PEX14: variants seen among roughly 807,000 people sequenced by gnomAD.
The protein encoded by PEX14 is peroxisomal membrane protein PEX14.
Under a neutral mutation model 49.5 loss-of-function variants are expected in PEX14, and 15 were observed. That is an observed-to-expected ratio of 0.30 (90% CI 0.20 to 0.47). The LOEUF (loss-of-function observed/expected upper bound fraction) is 0.47. Among genes scored for constraint, PEX14 ranks in the 20% least tolerant of loss-of-function variants. The pLI, the probability that PEX14 is intolerant of heterozygous loss-of-function variation, is 1.00. For synonymous variants in PEX14, 210 were observed against 212.7 expected (o/e 0.99, Z 0.11); for missense variants, 398 against 494.8 (o/e 0.80, Z 1.86).
At chr1:10,531,932 G>C (rs1638661527) in intron 2 of PEX14, among the ~76,000 whole-genome samples, 1 of 152,180 alleles carries the variant, frequency 6.6e-6, no homozygotes. Flanking sequence ...TTTTGTAGGA[G>C]AGTGGAAAAC....
intron 3 of PEX14, among the ~76,000 whole-genome samples, chr1:10,587,639 G>A (rs1160924933): frequency 1.3e-5 from 2 of 152,062 alleles, no homozygotes; most frequent in South Asian, 4.1e-4. Context: ...GTTTACACAT[G>A]TACAAGTGGT....
chr1:10,539,482 A>C lies in PEX14; in HGVS notation c.169+3185A>C, dbSNP rs1638938562. Among the ~76,000 whole-genome samples the C allele has an allele frequency of 6.6e-6, 1 of 152,194 alleles. No homozygotes were observed. The highest frequency in any genetic ancestry group is 1.5e-5 in the Non-Finnish European group (1 of 68,036). ...GCTCACCTTCAGAGTATTAGAATAA[A>C]TGTTTTTGTTTTCCTTCCAACCACT... On this transcript the variant is annotated intron_variant, in intron 3 of 8. Coordinates refer to ENST00000356607, the MANE Select transcript of PEX14 (RefSeq NM_004565.3). This position sits in a 1 kb window ranked among gnomAD's most constrained non-coding sequence, Gnocchi z 4.6.
At chr1:10,552,620 G>A (rs1454334770) in intron 3 of PEX14, among the ~76,000 whole-genome samples, 2 of 152,124 alleles carry the variant, frequency 1.3e-5, no homozygotes, top group Non-Finnish European at 2.9e-5. Context: ...TTTCCTTCAT[G>A]TGCCAACATT....
chr1:10,577,877 T>C (rs1640197602), intron 3 of PEX14, among the ~76,000 whole-genome samples: 1 of 151,502 alleles, frequency 6.6e-6, no homozygotes, highest in East Asian at 2.0e-4. Flanking sequence ...ATTTTAAAAA[T>C]ATAGTTTGAA....
rs370625447 is a variant in PEX14 at position 10,558,032 on chromosome 1, T to C, written c.169+21735T>C. ...TCTGCTAAATTCTTAAATATACTGA[T>C]GTGTGATCAGGGACATTCTATTCTC... On this transcript the variant is annotated intron_variant, in intron 3 of 8. Coordinates refer to ENST00000356607, the MANE Select transcript of PEX14 (RefSeq NM_004565.3). Among the ~76,000 whole-genome samples the C allele has an allele frequency of 1.0e-3, 153 of 152,344 alleles. 2 individuals are homozygous for C. The South Asian group carries it at 0.021, about 21-fold the overall frequency.
Position 10,613,567 on chromosome 1 carries a change from C to T in PEX14, c.299-4765C>T, listed in dbSNP as rs903557012. On this transcript the variant is annotated intron_variant, in intron 4 of 8. Coordinates refer to ENST00000356607, the MANE Select transcript of PEX14 (RefSeq NM_004565.3). The surrounding 1 kb of genome is among the most constrained non-coding windows in gnomAD (Gnocchi z 5.0). ...GATGAGGATTGCCACCACAGATGCC[C>T]GTCTCTTCAGCCTTCACAGAGATGC... Among the ~76,000 whole-genome samples the T allele has an allele frequency of 5.3e-5, 8 of 152,188 alleles. No homozygotes were observed. The highest frequency in any genetic ancestry group is 1.4e-4 in the African/African-American group (6 of 41,456).
At chr1:10,538,793 T>C (rs1352709425) in intron 3 of PEX14, among the ~76,000 whole-genome samples, 2 of 152,032 alleles carry the variant, frequency 1.3e-5, no homozygotes, top group Non-Finnish European at 1.5e-5. Context: ...GGGGCCTGGG[T>C]TCTGGCACCC....
At chr1:10,536,133 G>A (rs1638795273) in intron 2 of PEX14, 80 bp from the exon 3 acceptor site, 3 of 915,744 alleles carry the variant, frequency 3.3e-6, no homozygotes, top group East Asian at 4.8e-5. Flanking sequence ...GTGGAGCTGG[G>A]AAAAACTCCT....
At chr1:10,480,855 CTCTCTATA>C (rs955337694) in intron 1 of PEX14, among the ~76,000 whole-genome samples, 1 of 139,660 alleles carries the variant, frequency 7.2e-6, no homozygotes, top group African/African-American at 3.3e-5. Context: ...CTCTCTCTCT[CTCTCTATA>C]TATATATTTT....
At chr1:10,603,232 G>T (rs945488508) in intron 4 of PEX14, among the ~76,000 whole-genome samples, 2 of 152,094 alleles carry the variant, frequency 1.3e-5, no homozygotes, top group African/African-American at 4.8e-5. Flanking sequence ...TCTACTATAC[G>T]GTCAGTACTA....
At chr1:10,564,237 A>C (rs528304724) in intron 3 of PEX14, among the ~76,000 whole-genome samples, 1 of 151,844 alleles carries the variant, frequency 6.6e-6, no homozygotes. Flanking sequence ...TCCAGTTGTA[A>C]TTGTGTTAGA....
intron 3 of PEX14, among the ~76,000 whole-genome samples, chr1:10,552,334 C>T (rs983823698): frequency 1.7e-4 from 26 of 152,066 alleles, no homozygotes; most frequent in Non-Finnish European, 3.5e-4. Context: ...CCCAGTTACT[C>T]AGGAGGCTGA....
Position 10,628,536 on chromosome 1 carries a change from C to T in PEX14, c.678-995C>T, listed in dbSNP as rs528510002. On this transcript the variant is annotated intron_variant, in intron 8 of 8. Transcript: ENST00000356607. The surrounding 1 kb of genome is among the most constrained non-coding windows in gnomAD (Gnocchi z 4.5). ...GAACATGTCCTGGAAAGAGATGTGG[C>T]GCTGGCAGAGGCCAGAGCATTGTCA... Among the ~76,000 whole-genome samples the T allele has an allele frequency of 1.2e-4, 19 of 152,386 alleles. No homozygotes were observed. The South Asian group carries it at 3.7e-3, about 30-fold the overall frequency.
intron 3 of PEX14, among the ~76,000 whole-genome samples, chr1:10,590,814 A>T (rs1377271485): frequency 6.6e-6 from 1 of 152,258 alleles, no homozygotes; most frequent in Non-Finnish European, 1.5e-5. Flanking sequence ...TAATGTGAGG[A>T]CTTGCAAGAA....
chr1:10,622,385 G>C (rs772343835), intron 5 of PEX14, among the ~76,000 whole-genome samples: 6 of 152,212 alleles, frequency 3.9e-5, no homozygotes, highest in East Asian at 1.9e-4. Context: ...GAGGATTCAG[G>C]CTTCATTTAG....
rs1159818689 is a variant in PEX14 at position 10,561,534 on chromosome 1, A to G, written c.169+25237A>G. Reference sequence around the variant, plus strand: ...TGTTGTGTGCTTATTATTGCATTACAATAAAAGGTGAGAAAGATCAGATTC... The same window carrying G: ...TGTTGTGTGCTTATTATTGCATTACGATAAAAGGTGAGAAAGATCAGATTC... On this transcript the variant is annotated intron_variant, in intron 3 of 8. Transcript: ENST00000356607. Among the ~76,000 whole-genome samples, 4 of 152,198 alleles carry G rather than the reference A, an allele frequency of 2.6e-5. 1 individual carries two copies. In the East Asian group the frequency reaches 7.7e-4, roughly 29 times the overall value.
At chr1:10,503,376 C>G (rs947789025) in intron 2 of PEX14, among the ~76,000 whole-genome samples, 1 of 147,864 alleles carries the variant, frequency 6.8e-6, no homozygotes, top group Admixed American at 6.7e-5. Context: ...GTTATCTTAA[C>G]CAATACAACA....
intron 1 of PEX14, among the ~76,000 whole-genome samples, chr1:10,476,376 C>T (rs1468257146): frequency 6.6e-6 from 1 of 152,220 alleles, no homozygotes; most frequent in African/African-American, 2.4e-5. Context: ...AGGAGGGCCT[C>T]TCCTTTCTTG....
At position 10,567,968 on chromosome 1, in the gene PEX14, C is replaced by A. The variant is rs1639855657; in HGVS notation, c.170-31270C>A. Among the ~76,000 whole-genome samples, 6 of 152,264 alleles carry A rather than the reference C, an allele frequency of 3.9e-5. No homozygotes were observed. In the South Asian group the frequency reaches 1.2e-3, roughly 32 times the overall value. On this transcript the variant is annotated intron_variant, in intron 3 of 8. Coordinates refer to ENST00000356607, the MANE Select transcript of PEX14 (RefSeq NM_004565.3). Reference sequence around the variant, plus strand: ...GTTACTACTTTGAATGGGATGTATTCTTTCATTATGTCTTTCAGCCAGTTC... The same window carrying A: ...GTTACTACTTTGAATGGGATGTATTATTTCATTATGTCTTTCAGCCAGTTC...
Sources: allele counts gnomAD v4.1 joint callset (sites outside exome capture counted in the v4.1 genomes callset), GRCh38; gene constraint gnomAD v4.1.1; non-coding constraint Gnocchi (gnomAD v3.1); transcripts MANE v1.5; gene names NCBI Gene and HGNC (gene_info 2026-07-23, HGNC 2026-07-21).